The following DENND4A variants were observed in gnomAD, a reference collection of about 807,000 sequenced individuals.
DENND4A encodes the protein C-myc promoter-binding protein.
In DENND4A, 70 loss-of-function variants were observed where a neutral mutation model predicts 199.3. That is an observed-to-expected ratio of 0.35 (90% CI 0.29 to 0.43). The LOEUF is 0.43. Among genes scored for constraint, DENND4A ranks in the 20% least tolerant of loss-of-function variants. The pLI is 1.00. For synonymous variants in DENND4A, 686 were observed against 766.9 expected, an observed-to-expected ratio of 0.89 and a Z score of 1.74; for missense variants, 1,723 against 2,255.8, an observed-to-expected ratio of 0.76 and a Z score of 4.78.
At chr15:65,749,804 C>T (rs1214554973) in intron 4 of DENND4A, among the ~76,000 whole-genome samples, 1 of 152,106 alleles carries the variant, frequency 6.6e-6, no homozygotes, top group Non-Finnish European at 1.5e-5. Flanking sequence ...TTCTCATAAA[C>T]TATGCCTGCT....
intron 22 of DENND4A, among the ~76,000 whole-genome samples, chr15:65,695,105 T>C (rs1489494530): frequency 6.6e-6 from 1 of 152,248 alleles, no homozygotes; most frequent in Admixed American, 6.5e-5. Flanking sequence ...AATTTTTTAA[T>C]GTTTCTGTTA....
At chr15:65,777,912 G>A (rs1038412269) in intron 1 of DENND4A, among the ~76,000 whole-genome samples, 3 of 152,088 alleles carry the variant, frequency 2.0e-5, no homozygotes, top group Non-Finnish European at 1.5e-5. Context: ...GGATGCACCT[G>A]TAGTCCCAGC....
chr15:65,663,817 CT>C (rs78087333), intron 32 of DENND4A, among the ~76,000 whole-genome samples: 460 of 142,976 alleles, frequency 3.2e-3, no homozygotes, highest in Admixed American at 4.1e-3. Context: ...ATCTGGCTAA[CT>C]TTTTTTTTTT....
intron 1 of DENND4A, among the ~76,000 whole-genome samples, chr15:65,773,531 T>C (rs1038560860): frequency 6.6e-6 from 1 of 152,072 alleles, no homozygotes; most frequent in Non-Finnish European, 1.5e-5. Context: ...TATCAGTAGG[T>C]GATAGAGGAG....
intron 13 of DENND4A, among the ~76,000 whole-genome samples, chr15:65,716,031 T>G (rs535091660): frequency 2.0e-5 from 3 of 152,186 alleles, no homozygotes; most frequent in African/African-American, 7.2e-5. Context: ...TTCATTCATG[T>G]TTGTGTCTTA....
chr15:65,771,159 T>C (rs1567096637), intron 1 of DENND4A: 1 of 1,574,330 alleles, frequency 6.4e-7, no homozygotes, highest in Non-Finnish European at 8.6e-7. Flanking sequence ...AAGGTATAAA[T>C]AAAAATTCCA....
intron 29 of DENND4A, among the ~76,000 whole-genome samples, chr15:65,666,691 G>C (rs2076047885): frequency 6.7e-6 from 1 of 149,998 alleles, no homozygotes. Flanking sequence ...AGACAGGAGG[G>C]TCACTTGAGC....
At chr15:65,771,292 T>G (rs1172927075) in intron 1 of DENND4A, 24 of 1,586,430 alleles carry the variant, frequency 1.5e-5, no homozygotes, top group Non-Finnish European at 1.9e-5. Context: ...ACTGCATATC[T>G]GTTTTTTGTT....
chr15:65,789,926 C>A (rs934733399), intron 1 of DENND4A, among the ~76,000 whole-genome samples: 1 of 152,242 alleles, frequency 6.6e-6, no homozygotes. Flanking sequence ...GAGGCCAAGG[C>A]GGGCAGATTG....
At chr15:65,721,415 T>G (rs905795808) in intron 12 of DENND4A, among the ~76,000 whole-genome samples, 2 of 151,990 alleles carry the variant, frequency 1.3e-5, no homozygotes, top group African/African-American at 4.8e-5. Flanking sequence ...GTAGGCTACC[T>G]CCTATGCTTA....
chr15:65,760,522 ACAAACTAAAGCAGG>A (rs1300320132), intron 2 of DENND4A, among the ~76,000 whole-genome samples: 1 of 151,982 alleles, frequency 6.6e-6, no homozygotes, highest in Non-Finnish European at 1.5e-5. Flanking sequence ...AAATAAATAA[ACAAACTAAAGCAGG>A]CAAACTAAAG....
intron 20 of DENND4A, among the ~76,000 whole-genome samples, chr15:65,697,786 A>G (rs1342154047): frequency 6.6e-6 from 1 of 152,228 alleles, no homozygotes; most frequent in Non-Finnish European, 1.5e-5. Flanking sequence ...ACATTCATAC[A>G]TAGGTCACTA....
intron 4 of DENND4A, among the ~76,000 whole-genome samples, chr15:65,751,281 G>T (rs1471972586): frequency 6.6e-6 from 1 of 152,156 alleles, no homozygotes; most frequent in East Asian, 1.9e-4. Flanking sequence ...GAAGATAAAG[G>T]TTAAGTTTAC....
chr15:65,729,471 A>C, intron 10 of DENND4A, 63 bp downstream of exon 10: 1 of 1,523,988 alleles, frequency 6.6e-7, no homozygotes, highest in Non-Finnish European at 8.8e-7. Flanking sequence ...AAATGGCTTT[A>C]AGTTATATAA....
At chr15:65,664,058 C>A (rs1056558896) in intron 32 of DENND4A, among the ~76,000 whole-genome samples, 1 of 152,110 alleles carries the variant, frequency 6.6e-6, no homozygotes, top group Non-Finnish European at 1.5e-5. Flanking sequence ...TTAAAGTGTA[C>A]AATTTAGTGT....
Position 65,690,437 on chromosome 15 carries a change from G to A in DENND4A, c.4157C>T (p.Thr1386Ile). The change falls in exon 23 of 33, where the codon ACC (threonine) becomes ATC (isoleucine). Residue 1386 changes from threonine (T) to isoleucine (I), a missense_variant. Thr to Ile is a moderately conservative substitution (Grantham distance 89, BLOSUM62 -1). Around this residue, in one of 6 missense-constraint regions of DENND4A, gnomAD observed 650 missense variants for 738.1 expected, o/e 0.88. Coordinates refer to ENST00000443035, the MANE Select transcript of DENND4A (RefSeq NM_001320835.1). The stretch of plus-strand genomic sequence containing the variant: ...TACCTTAGATGATGTGGTGTACATG[G>A]TGAATCTTGAATACCATTTGCTTGC... ...EKASKWYSRF[T>I]MYTTSSKDQS... is the part of the protein sequence containing the mutation. The A allele has an allele frequency of 6.3e-7, 1 of 1,593,696 alleles. No individual in the cohort carries two copies. Among genetic ancestry groups the A allele is most frequent in the East Asian group, 2.2e-5 (1 of 44,702 alleles).
chr15:65,740,135 C>T (rs573541955), intron 5 of DENND4A, among the ~76,000 whole-genome samples: 4 of 152,014 alleles, frequency 2.6e-5, no homozygotes, highest in Non-Finnish European at 5.9e-5. Context: ...GAGCCAAGAT[C>T]GTGCCACTGC....
chr15:65,788,715 C>T (rs2077633645), intron 1 of DENND4A, among the ~76,000 whole-genome samples: 1 of 151,870 alleles, frequency 6.6e-6, no homozygotes, highest in Non-Finnish European at 1.5e-5. Flanking sequence ...ATTAGCCAAG[C>T]ACAGTGGTGC....
chr15:65,706,490 A>T (rs2075059375), intron 14 of DENND4A, among the ~76,000 whole-genome samples: 1 of 101,264 alleles, frequency 9.9e-6, no homozygotes, highest in African/African-American at 4.6e-5. Context: ...ACACACACAC[A>T]CACACATATA....
Sources: gnomAD v4.1 joint callset for allele counts (sites outside exome capture counted in the v4.1 genomes callset) on GRCh38, gnomAD v4.1.1 for gene constraint, gnomAD v4.1.1 regional missense constraint, MANE v1.5 for transcripts, NCBI Gene and HGNC (gene_info 2026-07-23, HGNC 2026-07-21) for gene names.